Variants in RP1L1 observed in about 807,000 individuals in gnomAD.
The protein encoded by RP1L1 is RP1 like 1.
Under a neutral mutation model 15.7 loss-of-function variants are expected in RP1L1, and 27 were observed. The ratio of observed to expected loss-of-function variants is 1.72; its 90% CI spans 1.27 to 2.38. The LOEUF (loss-of-function observed/expected upper bound fraction) is 2.38, where lower values mean the gene tolerates loss of function less well. Ranked by LOEUF, RP1L1 falls within the 30% of genes most tolerant of loss-of-function variation. The pLI is 0.00. For missense variants in RP1L1, 4,798 were observed against 3,075.9 expected (o/e 1.56, Z -13.24); for synonymous variants, 1,813 against 1,276.7 (o/e 1.42, Z -8.96).
At position 10,612,300 on chromosome 8, in the gene RP1L1, G is replaced by A; in HGVS notation, c.1798C>T (p.Gln600Ter). 6.2e-7 allele frequency: 1 copy of A among 1,613,186 alleles called. No homozygotes were observed. Among genetic ancestry groups the A allele is most frequent in the African/African-American group, 1.3e-5 (1 of 75,040 alleles). The change falls in exon 4 of 4, where the codon CAG (glutamine) becomes TAG (stop). Residue 600 changes from glutamine (Q) to a stop codon, truncating the protein, a stop_gained. Coordinates refer to ENST00000382483, the MANE Select transcript of RP1L1 (RefSeq NM_178857.6). LOFTEE classifies it low-confidence loss of function (END_TRUNC). ...QAETQGQGTE[Q>*]ATGAAVTREP... ...CTTGTCACAGCCGCTCCCGTGGCCTGCTCGGTGCCCTGTCCTTGCGTCTCT... is the reference window on the plus strand; with the variant it reads ...CTTGTCACAGCCGCTCCCGTGGCCTACTCGGTGCCCTGTCCTTGCGTCTCT...
intron 1 of RP1L1, among the ~76,000 whole-genome samples, chr8:10,635,795 T>C (rs1798320143): frequency 6.6e-6 from 1 of 152,250 alleles, no homozygotes; most frequent in Admixed American, 6.5e-5. Flanking sequence ...TTGGAACTAA[T>C]CCAAGATAAA....
Position 10,610,299 on chromosome 8 carries a change from A to G in RP1L1, c.3799T>C (p.Cys1267Arg). The change falls in exon 4 of 4, where the codon TGC becomes CGC. Residue 1267 changes from cysteine to arginine, a missense_variant. Transcript: ENST00000382483. ...CFPTFLNARACACATNEDEAE... is the reference protein window; with the variant it reads ...CFPTFLNARARACATNEDEAE... ...TCATCCTCATTGGTGGCACAAGCGC[A>G]GGCTCGGGCGTTCAAGAAGGTTGGG... 6.2e-7 allele frequency: 1 copy of G among 1,614,180 alleles called. No homozygotes were observed. The highest frequency in any genetic ancestry group is 2.2e-5 in the East Asian group (1 of 44,878).
At chr8:10,645,018 A>G (rs565195485) in intron 1 of RP1L1, among the ~76,000 whole-genome samples, 3 of 152,286 alleles carry the variant, frequency 2.0e-5, no homozygotes, top group South Asian at 2.1e-4. Flanking sequence ...ACCCCACTCA[A>G]TGACCTCTTA....
chr8:10,616,862 C>G (rs957001359), intron 2 of RP1L1, among the ~76,000 whole-genome samples: 6 of 152,210 alleles, frequency 3.9e-5, no homozygotes, highest in African/African-American at 1.4e-4. Context: ...CTGGATGCCC[C>G]TGCTGCAAAA....
At chr8:10,631,235 GTACACACA>G (rs1798237424) in intron 1 of RP1L1, among the ~76,000 whole-genome samples, 1 of 148,460 alleles carries the variant, frequency 6.7e-6, no homozygotes, top group Admixed American at 6.7e-5. Flanking sequence ...ACGCACACAC[GTACACACA>G]TGCACACATG....
rs759671638 is a variant in RP1L1 at position 10,622,928 on chromosome 8, C to T, written c.274G>A (p.Ala92Thr). ...TTPRGLHSLSALEQLEDGGCY... is the reference protein window; with the variant it reads ...TTPRGLHSLSTLEQLEDGGCY... ...CCTCCATCTTCCAGCTGCTCCAGGGCGCTGAGGCTATGCAGGCCCCGGGGT... is the reference window on the plus strand; with the variant it reads ...CCTCCATCTTCCAGCTGCTCCAGGGTGCTGAGGCTATGCAGGCCCCGGGGT... The change falls in exon 2 of 4, where the codon GCC (alanine) becomes ACC (threonine). Residue 92 changes from alanine to threonine, a missense_variant. Ala to Thr is a moderately conservative substitution (Grantham distance 58). Transcript: ENST00000382483. The T allele has an allele frequency of 5.0e-5, 80 of 1,613,870 alleles. No homozygotes were observed. The highest frequency in any genetic ancestry group is 1.6e-4 in the Middle Eastern group (1 of 6,082).
chr8:10,634,401 A>T (rs990167466), intron 1 of RP1L1, among the ~76,000 whole-genome samples: 1 of 152,128 alleles, frequency 6.6e-6, no homozygotes, highest in African/African-American at 2.4e-5. Context: ...GGTCATCATC[A>T]GCATCTGTGA....
rs1488915147 is a variant in RP1L1, at chr8:10,610,617, A to T, written c.3481T>A (p.Cys1161Ser). 1 of 1,613,528 alleles carries T rather than the reference A, an allele frequency of 6.2e-7. No individual in the cohort carries two copies. Among genetic ancestry groups the T allele is most frequent in the Non-Finnish European group, 8.5e-7 (1 of 1,180,000 alleles). ...TCCAGCTGGTCTTCCCCAACGTCAC[A>T]TCCTGGCCACAGGTCCTTCGAGATG... is the stretch of plus-strand genomic sequence containing the variant. ...LSISKDLWPG[C>S]DVGEDQLDSG... Residue 1161 changes from cysteine to serine, a missense_variant, in exon 4 of 4, where the codon TGT (cysteine) becomes AGT (serine). Cys to Ser is a moderately radical substitution (Grantham distance 112). Coordinates refer to ENST00000382483, the MANE Select transcript of RP1L1 (RefSeq NM_178857.6).
chr8:10,638,557 AACACAGTGAG>A (rs2117253373), intron 1 of RP1L1, among the ~76,000 whole-genome samples: 1 of 152,278 alleles, frequency 6.6e-6, no homozygotes, highest in African/African-American at 2.4e-5. Context: ...TAGCCTGGGC[AACACAGTGAG>A]ACCCCATCTC....
chr8:10,608,576 T>C lies in RP1L1; in HGVS notation c.5522A>G (p.Glu1841Gly), dbSNP rs372934171. 1.7e-5 allele frequency: 27 copies of C among 1,611,308 alleles called. No individual in the cohort carries two copies. In the African/African-American group the frequency reaches 3.6e-4, roughly 22 times the overall value. ...GAEGIEAPEA[E>G]GEAQPESEGV... ...TTCTGACTCTGGCTGGGCCTCCCCT[T>C]CAGCCTCCGGGGCCTCTATGCCTTC... Residue 1841 changes from glutamate to glycine, a missense_variant, in exon 4 of 4, where the codon GAA becomes GGA. Coordinates refer to ENST00000382483, the MANE Select transcript of RP1L1 (RefSeq NM_178857.6).
intron 3 of RP1L1, among the ~76,000 whole-genome samples, chr8:10,614,010 A>G (rs1449819997): frequency 6.6e-6 from 1 of 152,200 alleles, no homozygotes; most frequent in East Asian, 1.9e-4. Context: ...GTATTGATGC[A>G]TGGCTGTGCA....
At chr8:10,622,448 G>C (rs1798075475) in intron 2 of RP1L1, 145 bp downstream of exon 2, 1 of 1,023,454 alleles carries the variant, frequency 9.8e-7, no homozygotes, top group East Asian at 2.4e-5. Context: ...TGACTTGACT[G>C]AGTGTCTCCA....
rs375114484 is a variant in RP1L1, at chr8:10,607,519, T to A, written c.6579A>T (p.Ser2193=). 1 of 1,606,624 alleles carries A rather than the reference T, an allele frequency of 6.2e-7. No individual in the cohort carries two copies. The highest frequency in any genetic ancestry group is 1.1e-5 in the South Asian group (1 of 90,552). The part of the protein sequence containing the change: ...PEAEGEAQPE[S]EGIEAPEAEG... ...CTGCCTCTGGGGCCTCTATACCTTC[T>A]GACTCTGGCTGGGCCTCCCCTTCTG... is the stretch of plus-strand genomic sequence containing the variant. The change falls in exon 4 of 4, where the codon TCA becomes TCT. Residue 2193 remains serine, a synonymous_variant. Transcript: ENST00000382483.
intron 1 of RP1L1, among the ~76,000 whole-genome samples, chr8:10,631,865 A>T (rs2117243341): frequency 6.6e-6 from 1 of 152,264 alleles, no homozygotes; most frequent in East Asian, 1.9e-4. Context: ...TGGATTCAAA[A>T]ACAGGAAGGG....
intron 3 of RP1L1, 115 bp downstream of exon 3, chr8:10,616,321 ACTGGGATACC>A (rs1797963970): frequency 8.0e-7 from 1 of 1,249,916 alleles, no homozygotes; most frequent in Non-Finnish European, 1.2e-6. Context: ...TCCCAAAATG[ACTGGGATACC>A]CAAGATCTGG....
rs747447270 is a variant in RP1L1 at position 10,611,166 on chromosome 8, C to G, written c.2932G>C (p.Glu978Gln). The change falls in exon 4 of 4, where the codon GAG (glutamate) becomes CAG (glutamine). Residue 978 changes from glutamate to glutamine, a missense_variant. Transcript: ENST00000382483. Reference sequence around the variant, plus strand: ...CCACCCCCAGCTGCACCTGTGGTCTCGTCCGCCAACTCATATGTCATGAGT... The same window carrying G: ...CCACCCCCAGCTGCACCTGTGGTCTGGTCCGCCAACTCATATGTCATGAGT... ...PILMTYELAD[E>Q]TTGAAGGGLR... 4 of 1,612,630 alleles carry G rather than the reference C, an allele frequency of 2.5e-6. No individual in the cohort carries two copies. The South Asian group carries it at 3.3e-5, about 13-fold the overall frequency.
Position 10,608,648 on chromosome 8 carries a change from T to A in RP1L1, c.5450A>T (p.Glu1817Val). The change falls in exon 4 of 4, where the codon GAA (glutamate) becomes GTA (valine). Residue 1817 changes from glutamate to valine, a missense_variant. Transcript: ENST00000382483. The part of the protein sequence containing the change: ...GSGHEDNLQG[E>V]AAAGGDQDPG... Reference sequence around the variant, plus strand: ...ATCTTGGTCACCTCCTGCCGCAGCTTCACCCTGCAAGTTGTCCTCATGCCC... The same window carrying A: ...ATCTTGGTCACCTCCTGCCGCAGCTACACCCTGCAAGTTGTCCTCATGCCC... The A allele has an allele frequency of 1.9e-6, 3 of 1,614,176 alleles. No individual in the cohort carries two copies. Among genetic ancestry groups the A allele is most frequent in the Non-Finnish European group, 2.5e-6 (3 of 1,180,030 alleles).
chr8:10,644,751 G>A (rs779317667), intron 1 of RP1L1, among the ~76,000 whole-genome samples: 2 of 152,280 alleles, frequency 1.3e-5, no homozygotes, highest in East Asian at 1.9e-4. Context: ...CCCCAGGAAC[G>A]CAGCCAGGGC....
chr8:10,614,708 G>A, intron 3 of RP1L1, among the ~76,000 whole-genome samples: 6 of 137,430 alleles, frequency 4.4e-5, no homozygotes, highest in South Asian at 2.5e-4. Flanking sequence ...AGGGAAGGAA[G>A]GAAGGAAGGA....
Sources: gnomAD v4.1 joint callset for allele counts (sites outside exome capture counted in the v4.1 genomes callset) on GRCh38, gnomAD v4.1.1 for gene constraint, MANE v1.5 for transcripts, NCBI Gene and HGNC (gene_info 2026-07-23, HGNC 2026-07-21) for gene names.